Variants in FTO observed in about 807,000 individuals in gnomAD.
FTO encodes alpha-ketoglutarate-dependent dioxygenase FTO.
FTO carries 47 observed loss-of-function variants against 63.9 expected under a neutral mutation model. The observed-to-expected ratio is 0.74, with a 90% CI of 0.58 to 0.94. The LOEUF is 0.94. Ranked by LOEUF, FTO falls within the 40% of genes least tolerant of loss-of-function variation. The pLI, the probability that FTO is intolerant of heterozygous loss-of-function variation, is 0.00. For missense variants in FTO, 562 were observed against 618.1 expected (o/e 0.91, Z 0.96); for synonymous variants, 207 against 224.4 (o/e 0.92, Z 0.69).
rs191588501 is a variant in FTO, at chr16:53,746,102, T to C, written c.45+41873T>C. On this transcript the variant is annotated intron_variant, in intron 1 of 8. Transcript: ENST00000471389. ...ACTCCTAAGTTTTCCTCTAGAGGAG[T>C]GTAATCTTCCTCTGAGCACACTGGA... 2.0e-5 allele frequency among the ~76,000 whole-genome samples: 3 copies of C among 152,278 alleles called. No individual in the cohort carries two copies. The East Asian group carries it at 5.8e-4, about 29-fold the overall frequency.
intron 1 of FTO, among the ~76,000 whole-genome samples, chr16:53,744,487 T>C (rs1189585841): frequency 6.6e-6 from 1 of 152,142 alleles, no homozygotes; most frequent in Non-Finnish European, 1.5e-5. Flanking sequence ...CATAGGAAAA[T>C]GTATAACAAA....
At chr16:53,852,993 C>T (rs559932074) in intron 4 of FTO, among the ~76,000 whole-genome samples, 2 of 152,288 alleles carry the variant, frequency 1.3e-5, no homozygotes, top group South Asian at 4.1e-4. Flanking sequence ...TTGCCAATTC[C>T]ATTAAAAAAT....
chr16:53,906,047 G>A (rs1005276074), intron 7 of FTO, among the ~76,000 whole-genome samples: 2 of 152,138 alleles, frequency 1.3e-5, no homozygotes, highest in Non-Finnish European at 2.9e-5. Context: ...ATTAGACTCT[G>A]TCAACATTAG....
At chr16:53,960,192 C>T (rs373928221) in intron 8 of FTO, among the ~76,000 whole-genome samples, 11 of 152,242 alleles carry the variant, frequency 7.2e-5, no homozygotes, top group African/African-American at 1.4e-4. Context: ...TCTCAAAATA[C>T]GTTCAGAGAA....
chr16:53,892,209 A>G lies in FTO; in HGVS notation c.1239+3258A>G, dbSNP rs925792318. ...CGGGTGGAATTGGCAGTGGCTGGTTAGATTTCTACTTGGTACCAGCCCACC... is the reference window on the plus strand; with the variant it reads ...CGGGTGGAATTGGCAGTGGCTGGTTGGATTTCTACTTGGTACCAGCCCACC... On this transcript the variant is annotated intron_variant, in intron 7 of 8. Coordinates refer to ENST00000471389, the MANE Select transcript of FTO (RefSeq NM_001080432.3). Among the ~76,000 whole-genome samples, 5 of 151,992 alleles carry G rather than the reference A, an allele frequency of 3.3e-5. No individual in the cohort carries two copies. In the East Asian group the frequency reaches 9.7e-4, roughly 30 times the overall value.
intron 8 of FTO, among the ~76,000 whole-genome samples, chr16:53,938,737 A>G (rs1414104427): frequency 6.6e-6 from 1 of 152,162 alleles, no homozygotes. Flanking sequence ...AAGTTCTCTG[A>G]CCCACTCAGG....
At chr16:54,075,103 G>C (rs375360023) in intron 8 of FTO, among the ~76,000 whole-genome samples, 3 of 152,026 alleles carry the variant, frequency 2.0e-5, no homozygotes, top group African/African-American at 7.2e-5. Flanking sequence ...TGTTCATGTC[G>C]TTTGCCCATT....
At chr16:53,942,903 C>T (rs1419498617) in intron 8 of FTO, among the ~76,000 whole-genome samples, 3 of 152,164 alleles carry the variant, frequency 2.0e-5, no homozygotes, top group Non-Finnish European at 4.4e-5. Context: ...ATCTGTAGTT[C>T]GGTAGCTGTC....
intron 1 of FTO, among the ~76,000 whole-genome samples, chr16:53,778,006 T>C (rs548572975): frequency 7.9e-5 from 12 of 152,336 alleles, no homozygotes; most frequent in Admixed American, 3.9e-4. Context: ...AAGTACTTTA[T>C]GTATGTTTAC....
intron 8 of FTO, among the ~76,000 whole-genome samples, chr16:54,085,233 C>A (rs542027119): frequency 6.6e-6 from 1 of 152,282 alleles, no homozygotes; most frequent in East Asian, 1.9e-4. Flanking sequence ...GCTTCTACAG[C>A]GAGATTGCTA....
rs117855849 is a variant in FTO at position 53,809,818 on chromosome 16, G to A, written c.46-322G>A. ...ATTATCCAAGCATGGTGGCACCGCTGTAGTCCCAGCTACTTGGGAGGATGA... is the reference window on the plus strand; with the variant it reads ...ATTATCCAAGCATGGTGGCACCGCTATAGTCCCAGCTACTTGGGAGGATGA... On this transcript the variant is annotated intron_variant, in intron 1 of 8. Coordinates refer to ENST00000471389, the MANE Select transcript of FTO (RefSeq NM_001080432.3). 6.3e-3 allele frequency among the ~76,000 whole-genome samples: 963 copies of A among 152,080 alleles called. 5 individuals carry two copies. Among genetic ancestry groups the A allele is most frequent in the Non-Finnish European group, 0.011 (739 of 68,008 alleles).
intron 3 of FTO, 42 bp from the exon 4 acceptor site, chr16:53,844,113 A>G (rs968097271): frequency 1.3e-6 from 2 of 1,563,580 alleles, no homozygotes; most frequent in African/African-American, 1.4e-5. Context: ...AGAAGCTTAG[A>G]TTAAACATTT....
At chr16:53,823,927 A>G (rs1384043797) in intron 2 of FTO, among the ~76,000 whole-genome samples, 1 of 152,110 alleles carries the variant, frequency 6.6e-6, no homozygotes, top group Non-Finnish European at 1.5e-5. Flanking sequence ...ATCTTTTTTT[A>G]TCCCTTACAT....
At chr16:53,961,672 T>A (rs11644943) in intron 8 of FTO, among the ~76,000 whole-genome samples, 34,890 of 152,144 alleles carry the variant, frequency 0.23, 4,147 homozygotes, top group Admixed American at 0.28. Context: ...GGCCAGGCAT[T>A]TATCAGCTTT....
rs1221865431 is a variant in FTO, at chr16:54,117,702, G to T, written c.*5787G>T. ...TTATAAATGAGATATTATGAAAAAT[G>T]ATGTTTTAGGACTCTCATTTCTACA... On this transcript the variant is annotated 3_prime_UTR_variant, in exon 9 of 9. Transcript: ENST00000471389. 2 of 152,138 alleles carry T rather than the reference G, an allele frequency of 1.3e-5. No homozygotes were observed. Among genetic ancestry groups the T allele is most frequent in the Admixed American group, 6.5e-5 (1 of 15,270 alleles). 9.4% of individuals were successfully genotyped at this position (152,138 alleles called of 1,614,324 possible).
chr16:54,116,545 T>C lies in FTO; in HGVS notation c.*4630T>C, dbSNP rs997467787. On this transcript the variant is annotated 3_prime_UTR_variant, in exon 9 of 9. Coordinates refer to ENST00000471389, the MANE Select transcript of FTO (RefSeq NM_001080432.3). ...GGTGGTGAAATCAATTTGACAACCA[T>C]AAAGGGGAGAGACGGCACAGGCGTG... 3.3e-5 allele frequency: 5 copies of C among 152,044 alleles called. No homozygotes were observed. Among genetic ancestry groups the C allele is most frequent in the Non-Finnish European group, 5.9e-5 (4 of 68,000 alleles). The allele number at this position is 152,044 out of a possible 1,614,324, so 9.4% of individuals were successfully genotyped here.
chr16:53,879,975 A>G lies in FTO; in HGVS notation c.1107A>G (p.Glu369=). ...FEPAVLKQGE[E]IHNEVEFEWL... ...CTGCAGTTTTGAAACAAGGAGAAGA[A>G]ATTCATAATGAGGTAAGGACTTTCT... The change falls in exon 6 of 9, where the codon GAA becomes GAG. Residue 369 remains glutamate, a synonymous_variant. Transcript: ENST00000471389. 31 of 1,613,586 alleles carry G rather than the reference A, an allele frequency of 1.9e-5. No individual in the cohort carries two copies. The highest frequency in any genetic ancestry group is 2.6e-5 in the Non-Finnish European group (31 of 1,179,710).
intron 8 of FTO, among the ~76,000 whole-genome samples, chr16:54,005,623 C>T (rs1318048909): frequency 6.6e-6 from 1 of 152,044 alleles, no homozygotes; most frequent in African/African-American, 2.4e-5. Context: ...AGTAGCATGC[C>T]AAGCTTACCC....
At position 53,899,937 on chromosome 16, in the gene FTO, G is replaced by A. The variant is rs531439612; in HGVS notation, c.1239+10986G>A. Among the ~76,000 whole-genome samples, 19 of 152,278 alleles carry A rather than the reference G, an allele frequency of 1.2e-4. 1 individual carries two copies. Among genetic ancestry groups the A allele is most frequent in the African/African-American group, 4.1e-4 (17 of 41,540 alleles). On this transcript the variant is annotated intron_variant, in intron 7 of 8. Transcript: ENST00000471389. ...CTGACTTCATTCCTTAGGTAAAGTC[G>A]GAAGATTGAAGCCTTATAAAAGATT...
Sources: gnomAD v4.1 joint callset for allele counts (sites outside exome capture counted in the v4.1 genomes callset) on GRCh38, gnomAD v4.1.1 for gene constraint, MANE v1.5 for transcripts, NCBI Gene and HGNC (gene_info 2026-07-23, HGNC 2026-07-21) for gene names.